PTPRN2: variants seen among roughly 807,000 people sequenced by gnomAD.
PTPRN2 encodes protein tyrosine phosphatase receptor type N2.
PTPRN2 carries 74 observed loss-of-function variants against 118.8 expected under a neutral mutation model. That is an observed-to-expected ratio of 0.62 (90% confidence interval 0.52 to 0.76). The LOEUF (loss-of-function observed/expected upper bound fraction) is 0.76. Ranked by LOEUF, PTPRN2 falls within the 30% of genes least tolerant of loss-of-function variation. PTPRN2 has a pLI of 0.00. For missense variants in PTPRN2, 1,481 were observed against 1,394.4 expected, an observed-to-expected ratio of 1.06 and a Z score of -0.99; for synonymous variants, 641 against 608.0, an observed-to-expected ratio of 1.05 and a Z score of -0.80.
At chr7:157,937,647 G>T (rs144585037) in intron 11 of PTPRN2, among the ~76,000 whole-genome samples, 10 of 152,332 alleles carry the variant, frequency 6.6e-5, no homozygotes, top group East Asian at 3.9e-4. Flanking sequence ...GTTCTGCCCC[G>T]GACTCTCACC....
chr7:158,230,429 C>CA (rs1585912685), intron 3 of PTPRN2, among the ~76,000 whole-genome samples: 2 of 151,638 alleles, frequency 1.3e-5, no homozygotes, highest in East Asian at 3.9e-4. Flanking sequence ...ACAAATCTGT[C>CA]AAAAACAATA....
chr7:158,300,409 A>G (rs1480457106), intron 3 of PTPRN2, among the ~76,000 whole-genome samples: 1 of 152,122 alleles, frequency 6.6e-6, no homozygotes, highest in African/African-American at 2.4e-5. Flanking sequence ...GTGTGCAGAA[A>G]AATTTCTCAT....
rs565011764 is a variant in PTPRN2 at position 157,843,978 on chromosome 7, G to A, written c.1788+54695C>T. ...CTGCAGGCACCGGGAGCTCTTCCAC[G>A]GAGAGGAAAGGTGCAGAGAAAGACT... On this transcript the variant is annotated intron_variant, in intron 12 of 22. Transcript: ENST00000389418. 1.2e-4 allele frequency among the ~76,000 whole-genome samples: 18 copies of A among 152,302 alleles called. No homozygotes were observed. In the East Asian group the frequency reaches 3.1e-3, roughly 26 times the overall value.
chr7:158,284,106 C>T (rs931478023), intron 3 of PTPRN2, among the ~76,000 whole-genome samples: 10 of 152,216 alleles, frequency 6.6e-5, no homozygotes, highest in African/African-American at 2.4e-4. Context: ...TTCTCTCAAG[C>T]GCGTTTACAC....
In PTPRN2 at chr7:158,363,554, T is replaced by A. The variant is rs368252105; in HGVS notation, c.164-46622A>T. Among the ~76,000 whole-genome samples the A allele has an allele frequency of 1.7e-4, 26 of 152,316 alleles. No individual in the cohort carries two copies. In the East Asian group the frequency reaches 3.3e-3, roughly 19 times the overall value. On this transcript the variant is annotated intron_variant, in intron 2 of 22. Transcript: ENST00000389418. Reference sequence around the variant, plus strand: ...CCTGACCACCTGACCTGGAAGGGCCTCACCCAGTCTTGATCGTCACATTTC... The same window carrying A: ...CCTGACCACCTGACCTGGAAGGGCCACACCCAGTCTTGATCGTCACATTTC...
At chr7:158,275,227 C>T (rs982772891) in intron 3 of PTPRN2, among the ~76,000 whole-genome samples, 1 of 152,188 alleles carries the variant, frequency 6.6e-6, no homozygotes, top group South Asian at 2.1e-4. Context: ...CTCGGGGCCA[C>T]AGAGACGTGC....
chr7:157,910,099 A>G (rs1463960733), intron 11 of PTPRN2, among the ~76,000 whole-genome samples: 1 of 152,262 alleles, frequency 6.6e-6, no homozygotes, highest in Non-Finnish European at 1.5e-5. Flanking sequence ...ATAAAAGGAT[A>G]TCTGAGGATT....
At chr7:158,304,679 T>C (rs767079524) in intron 3 of PTPRN2, among the ~76,000 whole-genome samples, 4 of 152,178 alleles carry the variant, frequency 2.6e-5, no homozygotes, top group Non-Finnish European at 5.9e-5. Flanking sequence ...TGAATGGCAA[T>C]TGGTTGAGTT....
At chr7:157,926,323 A>G (rs770131578) in intron 11 of PTPRN2, among the ~76,000 whole-genome samples, 1 of 152,188 alleles carries the variant, frequency 6.6e-6, no homozygotes, top group South Asian at 2.1e-4. Context: ...CTGAGGGTCC[A>G]TGCGTCACGT....
In PTPRN2 at chr7:158,517,481, C is replaced by T. The variant is rs1307062874; in HGVS notation, c.113-27696G>A. ...CCCAGACATCTCTTAAGGGGCCTGACTCTGCCTCAGCCCCACCGCCCCCCA... is the reference window on the plus strand; with the variant it reads ...CCCAGACATCTCTTAAGGGGCCTGATTCTGCCTCAGCCCCACCGCCCCCCA... On this transcript the variant is annotated intron_variant, in intron 1 of 22. Transcript: ENST00000389418. This position sits in a 1 kb window ranked among gnomAD's most constrained non-coding sequence, Gnocchi z 5.3. Among the ~76,000 whole-genome samples, 1 of 152,164 alleles carries T rather than the reference C, an allele frequency of 6.6e-6. No individual in the cohort carries two copies. Among genetic ancestry groups the T allele is most frequent in the Admixed American group, 6.5e-5 (1 of 15,276 alleles).
At chr7:158,187,055 A>G (rs1040752420) in intron 5 of PTPRN2, among the ~76,000 whole-genome samples, 5 of 152,242 alleles carry the variant, frequency 3.3e-5, no homozygotes, top group Admixed American at 2.0e-4. Flanking sequence ...GTGCTACCAC[A>G]GTCAATAAAA....
At chr7:157,623,618 A>C (rs959553704) in intron 14 of PTPRN2, among the ~76,000 whole-genome samples, 2 of 152,212 alleles carry the variant, frequency 1.3e-5, no homozygotes, top group Admixed American at 1.3e-4. Flanking sequence ...GCAAAATTAC[A>C]CTCTAAGTTC....
chr7:158,270,914 AC>A (rs1798402614), intron 3 of PTPRN2, among the ~76,000 whole-genome samples: 1 of 8,670 alleles, frequency 1.2e-4, no homozygotes, highest in African/African-American at 5.0e-4. Flanking sequence ...CACCCCCCCC[AC>A]CTGGACCACC....
At chr7:158,313,094 G>A (rs1802004419) in intron 3 of PTPRN2, among the ~76,000 whole-genome samples, 1 of 152,006 alleles carries the variant, frequency 6.6e-6, no homozygotes, top group Non-Finnish European at 1.5e-5. Flanking sequence ...GTGAGCATGT[G>A]TATGAGTGTG....
At position 158,529,706 on chromosome 7, in the gene PTPRN2, C is replaced by G. The variant is rs1464952556; in HGVS notation, c.113-39921G>C. On this transcript the variant is annotated intron_variant, in intron 1 of 22. Coordinates refer to ENST00000389418, the MANE Select transcript of PTPRN2 (RefSeq NM_002847.5). This position sits in a 1 kb window ranked among gnomAD's most constrained non-coding sequence, Gnocchi z 4.7. ...CTCACCACACCTGGGCTGTGTCCAC[C>G]AGCCCCAGGGGCTGTGGGGAGGGGC... is the stretch of plus-strand genomic sequence containing the variant. 6.6e-6 allele frequency among the ~76,000 whole-genome samples: 1 copy of G among 152,118 alleles called. No homozygotes were observed. The highest frequency in any genetic ancestry group is 1.9e-4 in the East Asian group (1 of 5,188).
chr7:158,118,107 T>C (rs1255434406), intron 9 of PTPRN2, among the ~76,000 whole-genome samples: 1 of 152,254 alleles, frequency 6.6e-6, no homozygotes, highest in Admixed American at 6.5e-5. Flanking sequence ...TAAAAACAAT[T>C]ACTAGTTAAA....
intron 2 of PTPRN2, among the ~76,000 whole-genome samples, chr7:158,380,298 TC>T (rs1218073564): frequency 6.6e-6 from 1 of 152,160 alleles, no homozygotes; most frequent in Non-Finnish European, 1.5e-5. Context: ...GCCTGTAAAA[TC>T]AAAAACAAGT....
chr7:158,417,985 G>T (rs1478419640), intron 2 of PTPRN2, among the ~76,000 whole-genome samples: 2 of 151,190 alleles, frequency 1.3e-5, no homozygotes, highest in African/African-American at 4.9e-5. Flanking sequence ...GTGTCCCACT[G>T]TGTTAAGTCA....
rs956635715 is a variant in PTPRN2, at chr7:158,517,708, C to A, written c.113-27923G>T. On this transcript the variant is annotated intron_variant, in intron 1 of 22. Coordinates refer to ENST00000389418, the MANE Select transcript of PTPRN2 (RefSeq NM_002847.5). This position sits in a 1 kb window ranked among gnomAD's most constrained non-coding sequence, Gnocchi z 5.3. ...CAGACTCTTCCCCACCATAGCCAGG[C>A]AGGCCTCCAGGCGCTTCCAGACTCA... Among the ~76,000 whole-genome samples the A allele has an allele frequency of 1.3e-5, 2 of 152,152 alleles. No homozygotes were observed. The highest frequency in any genetic ancestry group is 2.9e-5 in the Non-Finnish European group (2 of 68,018).
Sources: allele counts gnomAD v4.1 joint callset (sites outside exome capture counted in the v4.1 genomes callset), GRCh38; gene constraint gnomAD v4.1.1; non-coding constraint Gnocchi (gnomAD v3.1); transcripts MANE v1.5; gene names NCBI Gene and HGNC (gene_info 2026-07-23, HGNC 2026-07-21).